The following ZBTB7C variants were observed in gnomAD, a reference collection of about 807,000 sequenced individuals.
ZBTB7C encodes zinc finger and BTB domain containing 7C, also known as zinc finger and BTB domain-containing protein 7C.
Under a neutral mutation model 25.7 loss-of-function variants are expected in ZBTB7C, and 8 were observed. That is an observed-to-expected ratio of 0.31 (90% confidence interval 0.18 to 0.56). The LOEUF is 0.56. ZBTB7C is among the 20% of genes least tolerant of loss of function. The pLI is 0.91. For missense variants in ZBTB7C, 824 were observed against 855.2 expected (o/e 0.96, Z 0.46); for synonymous variants, 394 against 369.0 (o/e 1.07, Z -0.78).
intron 2 of ZBTB7C, among the ~76,000 whole-genome samples, chr18:48,315,062 T>A (rs2045917629): frequency 6.6e-6 from 1 of 152,146 alleles, no homozygotes; most frequent in Non-Finnish European, 1.5e-5. Flanking sequence ...CCTACCCCAA[T>A]CTGCCTGGGG....
chr18:48,169,470 C>T (rs2041390441), intron 3 of ZBTB7C, among the ~76,000 whole-genome samples: 1 of 152,198 alleles, frequency 6.6e-6, no homozygotes, highest in African/African-American at 2.4e-5. Context: ...CTCGCAGCAC[C>T]TGGCACACTG....
chr18:48,037,982 C>T (rs1178649513), intron 4 of ZBTB7C, among the ~76,000 whole-genome samples: 1 of 152,234 alleles, frequency 6.6e-6, no homozygotes, highest in East Asian at 1.9e-4. Context: ...TCTGGCTTAT[C>T]TCCCTCGGTA....
At chr18:48,405,972 C>A (rs1297128502) in intron 1 of ZBTB7C, among the ~76,000 whole-genome samples, 2 of 152,126 alleles carry the variant, frequency 1.3e-5, no homozygotes, top group African/African-American at 4.8e-5. Context: ...CACTCCAGTA[C>A]CCTCTGTGTG....
chr18:48,255,159 T>C (rs1460034171), intron 2 of ZBTB7C, among the ~76,000 whole-genome samples: 1 of 152,110 alleles, frequency 6.6e-6, no homozygotes, highest in African/African-American at 2.4e-5. Context: ...TCACAATGTC[T>C]GACATCCAAT....
intron 3 of ZBTB7C, among the ~76,000 whole-genome samples, chr18:48,160,844 G>A (rs138889242): frequency 1.4e-3 from 217 of 152,170 alleles, no homozygotes; most frequent in African/African-American, 5.1e-3. Context: ...GTGATATGAG[G>A]GATCCCTGAA....
At chr18:48,072,654 T>C (rs1283277688) in intron 3 of ZBTB7C, 1 of 152,254 alleles carries the variant, frequency 6.6e-6, no homozygotes, top group Non-Finnish European at 1.5e-5. Context: ...GGGAAGTTTG[T>C]GGCAGAGATA....
intron 2 of ZBTB7C, among the ~76,000 whole-genome samples, chr18:48,210,438 A>G (rs995329217): frequency 2.6e-5 from 4 of 152,270 alleles, no homozygotes; most frequent in Admixed American, 6.5e-5. Context: ...GAACGAATGA[A>G]TAAAAGGCAG....
At chr18:48,249,438 TA>T (rs1257051067) in intron 2 of ZBTB7C, among the ~76,000 whole-genome samples, 1 of 152,156 alleles carries the variant, frequency 6.6e-6, no homozygotes, top group Non-Finnish European at 1.5e-5. Flanking sequence ...ATTAAAATGG[TA>T]ATTATGCAGA....
intron 2 of ZBTB7C, among the ~76,000 whole-genome samples, chr18:48,239,390 A>G (rs967563860): frequency 6.6e-6 from 1 of 152,160 alleles, no homozygotes; most frequent in Non-Finnish European, 1.5e-5. Context: ...AGGCCAACCA[A>G]CTGCTAGCAC....
intron 2 of ZBTB7C, among the ~76,000 whole-genome samples, chr18:48,254,032 C>T (rs2043947780): frequency 6.6e-6 from 1 of 152,228 alleles, no homozygotes; most frequent in Non-Finnish European, 1.5e-5. Flanking sequence ...CATGAGAATA[C>T]AGTTTCTTCA....
At chr18:48,108,772 A>T (rs1298483139) in intron 3 of ZBTB7C, among the ~76,000 whole-genome samples, 1 of 151,924 alleles carries the variant, frequency 6.6e-6, no homozygotes, top group Admixed American at 6.6e-5. Context: ...TCCAGCTCTT[A>T]CTGTGTGGGA....
chr18:48,309,616 T>C (rs6507838), intron 2 of ZBTB7C, among the ~76,000 whole-genome samples: 56,411 of 152,144 alleles, frequency 0.37, 10,855 homozygotes, highest in African/African-American at 0.41. Context: ...TGTCATGTTA[T>C]GCATGTCTAC....
chr18:48,077,236 A>G (rs1598834780), intron 3 of ZBTB7C, among the ~76,000 whole-genome samples: 1 of 152,184 alleles, frequency 6.6e-6, no homozygotes, highest in Non-Finnish European at 1.5e-5. Flanking sequence ...AGACCTAATA[A>G]AAGTCATGGT....
intron 2 of ZBTB7C, among the ~76,000 whole-genome samples, chr18:48,309,737 T>C (rs1196981794): frequency 6.6e-6 from 1 of 152,230 alleles, no homozygotes; most frequent in African/African-American, 2.4e-5. Flanking sequence ...CTGAGTCTTA[T>C]AAAAAATGTA....
chr18:48,235,597 CAA>C (rs1438992836), intron 2 of ZBTB7C, among the ~76,000 whole-genome samples: 1 of 152,176 alleles, frequency 6.6e-6, no homozygotes, highest in Admixed American at 6.5e-5. Context: ...CCTTCTGCGA[CAA>C]GTTTCCTTCT....
At chr18:48,055,301 T>C (rs1315821557) in intron 3 of ZBTB7C, among the ~76,000 whole-genome samples, 1 of 149,808 alleles carries the variant, frequency 6.7e-6, no homozygotes, top group Non-Finnish European at 1.5e-5. Context: ...TCCCAGCTAC[T>C]CGGAAGGCTG....
intron 1 of ZBTB7C, among the ~76,000 whole-genome samples, chr18:48,381,665 T>G (rs902605184): frequency 6.6e-6 from 1 of 152,224 alleles, no homozygotes; most frequent in Non-Finnish European, 1.5e-5. Flanking sequence ...TGCTAGGTTA[T>G]ATTGCAGTAA....
intron 4 of ZBTB7C, among the ~76,000 whole-genome samples, chr18:48,038,119 G>T (rs1251805059): frequency 6.6e-6 from 1 of 152,130 alleles, no homozygotes; most frequent in Non-Finnish European, 1.5e-5. Flanking sequence ...TGTCACTGAG[G>T]GACATCCAAG....
At chr18:48,224,599 C>T (rs557601636) in intron 2 of ZBTB7C, among the ~76,000 whole-genome samples, 16 of 152,274 alleles carry the variant, frequency 1.1e-4, no homozygotes, top group African/African-American at 3.8e-4. Flanking sequence ...TTTTCCAGAA[C>T]TCTGTTCCAG....
Sources: allele counts gnomAD v4.1 joint callset (sites outside exome capture counted in the v4.1 genomes callset), GRCh38; gene constraint gnomAD v4.1.1; transcripts MANE v1.5; gene names NCBI Gene and HGNC (gene_info 2026-07-23, HGNC 2026-07-21).